Variants in SDK1 observed in about 807,000 individuals in gnomAD.
The protein encoded by SDK1 is protein sidekick-1.
Under a neutral mutation model 245.5 loss-of-function variants are expected in SDK1, and 157 were observed. That is an observed-to-expected ratio of 0.64 (90% CI 0.56 to 0.73). The LOEUF is 0.73. Among genes scored for constraint, SDK1 ranks in the 30% least tolerant of loss-of-function variants. The probability of loss-of-function intolerance (pLI) is 0.00; values close to 1 mark genes in which losing one functional copy is unlikely to be tolerated. For synonymous variants in SDK1, 1,647 were observed against 1,278.5 expected, an observed-to-expected ratio of 1.29 and a Z score of -6.15; for missense variants, 3,583 against 3,002.3, an observed-to-expected ratio of 1.19 and a Z score of -4.52.
At chr7:4,233,198 C>T (rs971657377) in intron 40 of SDK1, 57 bp from the exon 41 acceptor site, 82 of 1,541,622 alleles carry the variant, frequency 5.3e-5, no homozygotes, top group Non-Finnish European at 6.8e-5. Context: ...GCATGGGGCT[C>T]GCATCTGGGA....
At chr7:3,788,529 G>A (rs138607257) in intron 4 of SDK1, among the ~76,000 whole-genome samples, 1 of 152,128 alleles carries the variant, frequency 6.6e-6, no homozygotes, top group Admixed American at 6.5e-5. Flanking sequence ...TCTGCATGCT[G>A]TGTGATTCTG....
intron 32 of SDK1, among the ~76,000 whole-genome samples, chr7:4,169,459 T>C (rs1379167573): frequency 6.6e-6 from 1 of 151,928 alleles, no homozygotes; most frequent in East Asian, 1.9e-4. Flanking sequence ...GGCCAGCCCT[T>C]CTCCCCTCAT....
At chr7:4,146,411 T>A (rs1250305980) in intron 29 of SDK1, among the ~76,000 whole-genome samples, 1 of 149,926 alleles carries the variant, frequency 6.7e-6, no homozygotes, top group African/African-American at 2.5e-5. Flanking sequence ...CGTGACACAC[T>A]TTCAGCCTCA....
chr7:3,716,761 C>CA (rs1312191062), intron 4 of SDK1, among the ~76,000 whole-genome samples: 102 of 91,592 alleles, frequency 1.1e-3, no homozygotes, highest in South Asian at 2.1e-3. Flanking sequence ...CCTGTCTCAC[C>CA]AAAAAAAAAG....
In SDK1 at chr7:4,266,093, C is replaced by T; in HGVS notation, c.*709C>T. 4.1e-6 allele frequency: 4 copies of T among 985,464 alleles called. No homozygotes were observed. The highest frequency in any genetic ancestry group is 4.8e-6 in the Non-Finnish European group (4 of 829,964). 61.0% of individuals were successfully genotyped at this position (985,464 alleles called of 1,614,324 possible). A position where few individuals can be genotyped will look rare whatever the true frequency, so the allele number is the denominator to read the frequency against. On this transcript the variant is annotated 3_prime_UTR_variant, in exon 45 of 45. Transcript: ENST00000404826. The stretch of plus-strand genomic sequence containing the variant: ...TCTTTCCCCCTTCCTTCTCACCTGA[C>T]AGCGAGGGAGAGGGAAGCCTCTTAG...
chr7:4,048,591 C>T (rs1445952131), intron 17 of SDK1, among the ~76,000 whole-genome samples: 1 of 151,998 alleles, frequency 6.6e-6, no homozygotes, highest in South Asian at 2.1e-4. Flanking sequence ...TTCTCAAGAA[C>T]TTACCCCTCA....
At chr7:3,964,933 C>G (rs1182430785) in intron 9 of SDK1, among the ~76,000 whole-genome samples, 2 of 152,166 alleles carry the variant, frequency 1.3e-5, no homozygotes, top group African/African-American at 4.8e-5. Flanking sequence ...ACCAATATTG[C>G]TTCAAGCAGT....
intron 21 of SDK1, among the ~76,000 whole-genome samples, chr7:4,077,511 G>C (rs535056436): frequency 6.6e-6 from 1 of 152,266 alleles, no homozygotes; most frequent in African/African-American, 2.4e-5. Flanking sequence ...AAACAGTAGC[G>C]ATGATTGTAT....
In SDK1 at chr7:3,405,164, A is replaced by C. The variant is rs201352249; in HGVS notation, c.298+103280A>C. On this transcript the variant is annotated intron_variant, in intron 1 of 44. Coordinates refer to ENST00000404826, the MANE Select transcript of SDK1 (RefSeq NM_152744.4). Reference sequence around the variant, plus strand: ...CCTCATTTGTAAAAAAAAACCAAAAAAAAAAACAAAAACAAAAACAAAAAA... The same window carrying C: ...CCTCATTTGTAAAAAAAAACCAAAACAAAAAACAAAAACAAAAACAAAAAA... 6.3e-3 allele frequency among the ~76,000 whole-genome samples: 867 copies of C among 138,152 alleles called. 8 individuals carry two copies. The highest frequency in any genetic ancestry group is 0.014 in the Middle Eastern group (4 of 284). The allele number at this position is 138,152 out of a possible 152,430, so 90.6% of individuals were successfully genotyped here.
intron 4 of SDK1, among the ~76,000 whole-genome samples, chr7:3,795,232 A>T (rs924838329): frequency 1.3e-5 from 2 of 152,144 alleles, no homozygotes; most frequent in Non-Finnish European, 2.9e-5. Flanking sequence ...CATGATACTT[A>T]GATGGGACCA....
intron 1 of SDK1, among the ~76,000 whole-genome samples, chr7:3,326,460 A>G (rs1779943264): frequency 6.6e-6 from 1 of 152,148 alleles, no homozygotes; most frequent in Non-Finnish European, 1.5e-5. Flanking sequence ...TTAGTTCTTC[A>G]TTATAAACTA....
At chr7:3,405,470 A>G (rs1202530267) in intron 1 of SDK1, among the ~76,000 whole-genome samples, 1 of 152,196 alleles carries the variant, frequency 6.6e-6, no homozygotes, top group African/African-American at 2.4e-5. Flanking sequence ...CAAAATTTGA[A>G]TGTATATGCT....
intron 4 of SDK1, among the ~76,000 whole-genome samples, chr7:3,725,374 T>G (rs771394667): frequency 3.3e-5 from 5 of 152,188 alleles, no homozygotes; most frequent in Non-Finnish European, 7.3e-5. Context: ...GAGGAGGGAC[T>G]TGGCAGAGGA....
At chr7:3,833,704 A>T (rs117182389) in intron 5 of SDK1, among the ~76,000 whole-genome samples, 150 of 152,352 alleles carry the variant, frequency 9.8e-4, no homozygotes, top group Admixed American at 1.6e-3. Flanking sequence ...AGAAAATGCC[A>T]CATGCAAAAA....
intron 1 of SDK1, among the ~76,000 whole-genome samples, chr7:3,456,458 G>A (rs1780670580): frequency 6.6e-6 from 1 of 152,006 alleles, no homozygotes; most frequent in Non-Finnish European, 1.5e-5. Context: ...CTATCTTCAA[G>A]TTCACTGATT....
intron 2 of SDK1, among the ~76,000 whole-genome samples, chr7:3,620,434 C>T (rs1229810339): frequency 6.6e-6 from 1 of 151,996 alleles, no homozygotes; most frequent in Non-Finnish European, 1.5e-5. Context: ...TCCCAAGTAG[C>T]TGGTTCTACA....
chr7:3,515,751 T>A (rs1782725632), intron 1 of SDK1, among the ~76,000 whole-genome samples: 1 of 152,198 alleles, frequency 6.6e-6, no homozygotes, highest in African/African-American at 2.4e-5. Flanking sequence ...TCAACTCGAT[T>A]TTACTGCTGA....
At chr7:3,504,092 G>T (rs1014234669) in intron 1 of SDK1, among the ~76,000 whole-genome samples, 3 of 151,780 alleles carry the variant, frequency 2.0e-5, no homozygotes, top group African/African-American at 4.8e-5. Flanking sequence ...AGAGGTTGTA[G>T]TGAGCCAAGA....
intron 25 of SDK1, among the ~76,000 whole-genome samples, chr7:4,121,281 C>T (rs189595962): frequency 1.1e-4 from 16 of 152,116 alleles, no homozygotes; most frequent in East Asian, 9.7e-4. Context: ...TATGGTGATA[C>T]GGTTTGGCTC....
Sources: allele counts gnomAD v4.1 joint callset (sites outside exome capture counted in the v4.1 genomes callset), GRCh38; gene constraint gnomAD v4.1.1; transcripts MANE v1.5; gene names NCBI Gene and HGNC (gene_info 2026-07-23, HGNC 2026-07-21).